The following CYP27B1 variants were observed in gnomAD, a reference collection of about 807,000 sequenced individuals.
CYP27B1 encodes the protein 25-hydroxyvitamin D-1 alpha hydroxylase, mitochondrial.
CYP27B1 carries 46 observed loss-of-function variants against 54.8 expected under a neutral mutation model. The observed-to-expected ratio is 0.84, with a 90% confidence interval of 0.66 to 1.07. The LOEUF (loss-of-function observed/expected upper bound fraction) is 1.07. CYP27B1 is among the 50% of genes least tolerant of loss of function. The probability of loss-of-function intolerance (pLI) is 0.00; values close to 1 mark genes in which losing one functional copy is unlikely to be tolerated. For synonymous variants in CYP27B1, 292 were observed against 297.3 expected (o/e 0.98, Z 0.18); for missense variants, 674 against 692.2 (o/e 0.97, Z 0.30).
chr12:57,762,670 G>T lies in CYP27B1; in HGVS notation c.*472C>A, dbSNP rs886049721. ...CTAGTCAGAGACAGGCCCTGGCAGG[G>T]GACATAAAAAACAAATAAGGCTTCA... On this transcript the variant is annotated 3_prime_UTR_variant, in exon 9 of 9. Coordinates refer to ENST00000228606, the MANE Select transcript of CYP27B1 (RefSeq NM_000785.4). 2 of 236,460 alleles carry T rather than the reference G, an allele frequency of 8.5e-6. No individual in the cohort carries two copies. Among genetic ancestry groups the T allele is most frequent in the Non-Finnish European group, 1.7e-5 (2 of 118,582 alleles). 14.6% of individuals were successfully genotyped at this position (236,460 alleles called of 1,614,324 possible).
Position 57,765,535 on chromosome 12 carries a change from T to C in CYP27B1, c.387-36A>G. On this transcript the variant is annotated intron_variant, in intron 2 of 8. Coordinates refer to ENST00000228606, the MANE Select transcript of CYP27B1 (RefSeq NM_000785.4). The surrounding 1 kb of genome is among the most constrained non-coding windows in gnomAD (Gnocchi z 5.8). ...GAGGAGAGAGTGCGCATCGGGAAGG[T>C]GGGGACGGCTCGACGGGACTGGCTG... 1 of 1,580,448 alleles carries C rather than the reference T, an allele frequency of 6.3e-7. No individual in the cohort carries two copies.
intron 6 of CYP27B1, 64 bp downstream of exon 6, chr12:57,764,314 C>CA: frequency 6.2e-7 from 1 of 1,601,474 alleles, no homozygotes; most frequent in Non-Finnish European, 8.6e-7. Context: ...TGCTTCCATC[C>CA]ACTAGTTGCT....
In CYP27B1 at chr12:57,763,061, T is replaced by C; in HGVS notation, c.*81A>G. The C allele has an allele frequency of 1.0e-6, 1 of 968,562 alleles. No individual in the cohort carries two copies. 60.0% of individuals were successfully genotyped at this position (968,562 alleles called of 1,614,324 possible). On this transcript the variant is annotated 3_prime_UTR_variant, in exon 9 of 9. Transcript: ENST00000228606. Reference sequence around the variant, plus strand: ...GTCAGATAGGCATTAGGGGAAGATGTATACCTTGGTCTTGTGCCTACAAAA... The same window carrying C: ...GTCAGATAGGCATTAGGGGAAGATGCATACCTTGGTCTTGTGCCTACAAAA...
chr12:57,766,999 C>G lies in CYP27B1; in HGVS notation c.43G>C (p.Val15Leu). Reference sequence around the variant, plus strand: ...GCGCCCAACTCGGGCGCCCAGCGGACGCGATGGAACACTCTGGAGGCGTAC... The same window carrying G: ...GCGCCCAACTCGGGCGCCCAGCGGAGGCGATGGAACACTCTGGAGGCGTAC... The part of the protein sequence containing the change: ...LKYASRVFHR[V>L]RWAPELGASL... Residue 15 changes from valine to leucine, a missense_variant, in exon 1 of 9, where the codon GTC becomes CTC. Physicochemically the swap from Val to Leu is conservative, Grantham distance 32 (BLOSUM62 1). Coordinates refer to ENST00000228606, the MANE Select transcript of CYP27B1 (RefSeq NM_000785.4). 1 of 1,614,194 alleles carries G rather than the reference C, an allele frequency of 6.2e-7. No homozygotes were observed. Among genetic ancestry groups the G allele is most frequent in the Admixed American group, 1.7e-5 (1 of 60,024 alleles).
Position 57,765,884 on chromosome 12 carries a change from A to C in CYP27B1, c.386+123T>G. The C allele has an allele frequency of 7.0e-7, 1 of 1,430,444 alleles. No homozygotes were observed. Among genetic ancestry groups the C allele is most frequent in the East Asian group, 2.5e-5 (1 of 39,822 alleles). 88.6% of individuals were successfully genotyped at this position (1,430,444 alleles called of 1,614,324 possible). ...AGCAGACTGGGATGGGAACCCCAAGATGCCCAATGGTAGAGTGGGACAGCC... is the reference window on the plus strand; with the variant it reads ...AGCAGACTGGGATGGGAACCCCAAGCTGCCCAATGGTAGAGTGGGACAGCC... On this transcript the variant is annotated intron_variant, in intron 2 of 8. Coordinates refer to ENST00000228606, the MANE Select transcript of CYP27B1 (RefSeq NM_000785.4). This position sits in a 1 kb window ranked among gnomAD's most constrained non-coding sequence, Gnocchi z 5.8.
At chr12:57,766,671 C>T (rs1052391279) in intron 1 of CYP27B1, among the ~76,000 whole-genome samples, 176 bp downstream of exon 1, 5 of 152,230 alleles carry the variant, frequency 3.3e-5, no homozygotes, top group Non-Finnish European at 7.4e-5. Context: ...AGAGTCGGGA[C>T]GGGCTCTGCC....
chr12:57,763,946 C>T (rs756848076), intron 7 of CYP27B1, 138 bp from the exon 8 acceptor site: 232 of 1,068,688 alleles, frequency 2.2e-4, no homozygotes, highest in Non-Finnish European at 3.2e-4. Context: ...GGAAGGATCT[C>T]CCCACTGTTC....
Position 57,765,905 on chromosome 12 carries a change from C to A in CYP27B1, c.386+102G>T. On this transcript the variant is annotated intron_variant, in intron 2 of 8. Coordinates refer to ENST00000228606, the MANE Select transcript of CYP27B1 (RefSeq NM_000785.4). The surrounding 1 kb of genome is among the most constrained non-coding windows in gnomAD (Gnocchi z 5.8). The stretch of plus-strand genomic sequence containing the variant: ...CAAGATGCCCAATGGTAGAGTGGGA[C>A]AGCCGACCTCCCACCATGCCCCCAG... 6.9e-7 allele frequency: 1 copy of A among 1,443,282 alleles called. No homozygotes were observed. The highest frequency in any genetic ancestry group is 1.4e-5 in the South Asian group (1 of 69,110). The allele number at this position is 1,443,282 out of a possible 1,614,324, so 89.4% of individuals were successfully genotyped here.
chr12:57,765,230 C>T lies in CYP27B1; in HGVS notation c.590-19G>A, dbSNP rs755402663. The T allele has an allele frequency of 3.7e-6, 6 of 1,611,516 alleles. No individual in the cohort carries two copies. In the South Asian group the frequency reaches 5.5e-5, roughly 15 times the overall value. On this transcript the variant is annotated intron_variant, in intron 3 of 8. Transcript: ENST00000228606. This position sits in a 1 kb window ranked among gnomAD's most constrained non-coding sequence, Gnocchi z 5.8. The stretch of plus-strand genomic sequence containing the variant: ...GCGATGCCTTGTCGGGAGGGGGCGC[C>T]GTCAGGGTTCCGGGAGGCTCTGGTA...
rs1008304474 is a variant in CYP27B1, at chr12:57,765,639, G to C, written c.387-140C>G. ...CCTTGGGGTACGGAAACCTGCACCG[G>C]CCTGCGCCTGTCTTCCAGCCCCCTT... On this transcript the variant is annotated intron_variant, in intron 2 of 8. Coordinates refer to ENST00000228606, the MANE Select transcript of CYP27B1 (RefSeq NM_000785.4). The surrounding 1 kb of genome is among the most constrained non-coding windows in gnomAD (Gnocchi z 5.8). 2 of 981,912 alleles carry C rather than the reference G, an allele frequency of 2.0e-6. No individual in the cohort carries two copies. Among genetic ancestry groups the C allele is most frequent in the Admixed American group, 4.0e-5 (2 of 50,276 alleles). 60.8% of individuals were successfully genotyped at this position (981,912 alleles called of 1,614,324 possible). A position where few individuals can be genotyped will look rare whatever the true frequency, so the allele number is the denominator to read the frequency against.
At chr12:57,764,209 G>A in intron 6 of CYP27B1, 33 bp from the exon 7 acceptor site, 2 of 1,587,584 alleles carry the variant, frequency 1.3e-6, no homozygotes, top group East Asian at 2.2e-5. Flanking sequence ...GAGACAACAA[G>A]ATGAGGCTAG....
At position 57,764,024 on chromosome 12, in the gene CYP27B1, G is replaced by T. The variant is rs1040798904; in HGVS notation, c.1215+74C>A. On this transcript the variant is annotated intron_variant, in intron 7 of 8. Coordinates refer to ENST00000228606, the MANE Select transcript of CYP27B1 (RefSeq NM_000785.4). ...GAGTGTTTGAAGGGCTTTTAGGAGA[G>T]TGTTTGAGAACAGGGTTGGGGCCCA... 15 of 1,287,816 alleles carry T rather than the reference G, an allele frequency of 1.2e-5. No homozygotes were observed. In the African/African-American group the frequency reaches 1.9e-4, roughly 16 times the overall value. The allele number at this position is 1,287,816 out of a possible 1,614,324, so 79.8% of individuals were successfully genotyped here. A position where few individuals can be genotyped will look rare whatever the true frequency, so the allele number is the denominator to read the frequency against.
chr12:57,764,304 T>A, intron 6 of CYP27B1, 74 bp downstream of exon 6: 1 of 1,596,552 alleles, frequency 6.3e-7, no homozygotes, highest in Non-Finnish European at 8.6e-7. Flanking sequence ...GCTATCTCCC[T>A]GCTTCCATCC....
intron 1 of CYP27B1, 135 bp from the exon 2 acceptor site, chr12:57,766,332 T>A: frequency 8.3e-7 from 1 of 1,211,050 alleles, no homozygotes; most frequent in Non-Finnish European, 1.1e-6. Context: ...AACTAGTGTA[T>A]GCCTTTGATA....
chr12:57,766,732 T>C (rs888867857), intron 1 of CYP27B1, 115 bp downstream of exon 1: 19 of 1,159,404 alleles, frequency 1.6e-5, no homozygotes, highest in Non-Finnish European at 2.3e-5. Context: ...CCTTATTTCA[T>C]GGGCATCCGT....
rs1235033451 is a variant in CYP27B1 at position 57,766,232 on chromosome 12, TG to T, written c.196-36del. On this transcript the variant is annotated intron_variant, in intron 1 of 8. Coordinates refer to ENST00000228606, the MANE Select transcript of CYP27B1 (RefSeq NM_000785.4). Reference sequence around the variant, plus strand: ...CGGACACAGCGGACACTTGGATACCTGGGCGGGGACTTTCAGCTTGACCTGT... The same window carrying T: ...CGGACACAGCGGACACTTGGATACCTGGCGGGGACTTTCAGCTTGACCTGT... The T allele has an allele frequency of 4.7e-6, 7 of 1,503,932 alleles. No homozygotes were observed. The African/African-American group carries it at 5.6e-5, about 12-fold the overall frequency. 93.2% of individuals were successfully genotyped at this position (1,503,932 alleles called of 1,614,324 possible).
rs1477606852 is a variant in CYP27B1, at chr12:57,765,376, C to T, written c.510G>A (p.Arg170=). 6.2e-7 allele frequency: 1 copy of T among 1,613,226 alleles called. No individual in the cohort carries two copies. ...NVVCDLVRRL[R]RQRGRGTGPP... ...GCCCCGTGCCACGTCCCCGCTGGCG[C>T]CTCAGACGCCGCACAAGGTCGCAGA... is the stretch of plus-strand genomic sequence containing the variant. Residue 170 remains arginine (R), a synonymous_variant, in exon 3 of 9, where the codon AGG becomes AGA. Coordinates refer to ENST00000228606, the MANE Select transcript of CYP27B1 (RefSeq NM_000785.4). The surrounding 1 kb of genome is among the most constrained non-coding windows in gnomAD (Gnocchi z 5.8).
Position 57,764,504 on chromosome 12 carries a change from G to T in CYP27B1, c.1010C>A (p.Pro337His), listed in dbSNP as rs141927200. The change falls in exon 6 of 9, where the codon CCC becomes CAC. Residue 337 changes from proline (P) to histidine (H), a missense_variant. By Grantham distance (77) the Pro-to-His change is moderately conservative. Transcript: ENST00000228606. ...TGAGTGGAGTGCTGTCTGGACTTCGGGGTGCCGGGAGAGCTCATACAGAGC... is the reference window on the plus strand; with the variant it reads ...TGAGTGGAGTGCTGTCTGGACTTCGTGGTGCCGGGAGAGCTCATACAGAGC... ...SWALYELSRH[P>H]EVQTALHSEI... 1 of 1,614,050 alleles carries T rather than the reference G, an allele frequency of 6.2e-7. No individual in the cohort carries two copies. Among genetic ancestry groups the T allele is most frequent in the African/African-American group, 1.3e-5 (1 of 74,932 alleles).
chr12:57,764,071 T>C, intron 7 of CYP27B1, 27 bp downstream of exon 7: 2 of 1,567,952 alleles, frequency 1.3e-6, no homozygotes, highest in South Asian at 1.1e-5. Context: ...AATGGCTCAG[T>C]AGAAAGGGTG....
Sources: gnomAD v4.1 joint callset for allele counts (sites outside exome capture counted in the v4.1 genomes callset) on GRCh38, gnomAD v4.1.1 for gene constraint, Gnocchi (gnomAD v3.1) non-coding constraint, MANE v1.5 for transcripts, NCBI Gene and HGNC (gene_info 2026-07-23, HGNC 2026-07-21) for gene names.